The following SAMD3 variants were observed in gnomAD, a reference collection of about 807,000 sequenced individuals.
SAMD3 encodes sterile alpha motif domain-containing protein 3.
Under a neutral mutation model 58.5 loss-of-function variants are expected in SAMD3, and 63 were observed. The ratio of observed to expected loss-of-function variants is 1.08; its 90% CI spans 0.88 to 1.33. The LOEUF is 1.33. SAMD3 is among the 40% of genes most tolerant of loss of function. The pLI is 0.00. For missense variants in SAMD3, 604 were observed against 608.4 expected (o/e 0.99, Z 0.08); for synonymous variants, 220 against 210.3 (o/e 1.05, Z -0.40).
intron 4 of SAMD3, among the ~76,000 whole-genome samples, chr6:130,211,275 A>ATTTTTTTTTTTTTTTT (rs1562452834): frequency 7.4e-6 from 1 of 134,314 alleles, no homozygotes; most frequent in Non-Finnish European, 1.6e-5. Context: ...TGCCAATCAG[A>ATTTTTTTTTTTTTTTT]ATTTTTTTTT....
intron 1 of SAMD3, among the ~76,000 whole-genome samples, chr6:130,353,150 C>T (rs1326184064): frequency 1.3e-5 from 2 of 152,190 alleles, no homozygotes; most frequent in African/African-American, 4.8e-5. Flanking sequence ...GCTTAACTGT[C>T]TGAGACAGAA....
chr6:130,162,056 T>C, intron 8 of SAMD3: 1 of 495,116 alleles, frequency 2.0e-6, no homozygotes, highest in East Asian at 3.2e-5. Context: ...CTTTGAGATG[T>C]GTGACTTTAG....
At chr6:130,213,590 C>T (rs532081122) in intron 4 of SAMD3, among the ~76,000 whole-genome samples, 1 of 152,138 alleles carries the variant, frequency 6.6e-6, no homozygotes, top group South Asian at 2.1e-4. Context: ...TCAAAAAAAT[C>T]TTGAAAATGG....
intron 8 of SAMD3, among the ~76,000 whole-genome samples, chr6:130,174,742 C>T (rs998273827): frequency 2.6e-5 from 4 of 152,082 alleles, no homozygotes; most frequent in South Asian, 2.1e-4. Context: ...TTTAGGGCAC[C>T]TTTCAGCTGT....
At chr6:130,173,915 A>G (rs961480209) in intron 8 of SAMD3, among the ~76,000 whole-genome samples, 27 of 152,218 alleles carry the variant, frequency 1.8e-4, no homozygotes, top group African/African-American at 6.0e-4. Context: ...AATCTAGAGA[A>G]GCAGTCTGGC....
At chr6:130,264,444 T>C (rs539145601) in intron 2 of SAMD3, among the ~76,000 whole-genome samples, 8 of 152,220 alleles carry the variant, frequency 5.3e-5, no homozygotes, top group Non-Finnish European at 8.8e-5. Flanking sequence ...GGATGTGTGG[T>C]GGTATTGTGG....
rs191442148 is a variant in SAMD3, at chr6:130,228,644, A to G, written c.-187-5831T>C. Among the ~76,000 whole-genome samples the G allele has an allele frequency of 8.4e-4, 128 of 152,338 alleles. 2 individuals are homozygous for G. Among genetic ancestry groups the G allele is most frequent in the Non-Finnish European group, 3.4e-4 (23 of 68,034 alleles). Reference sequence around the variant, plus strand: ...GCCGCGGGTGTTAAGCAAGGCAGAAAGGAAAGCAGACATCCAGAAACAAGG... The same window carrying G: ...GCCGCGGGTGTTAAGCAAGGCAGAAGGGAAAGCAGACATCCAGAAACAAGG... On this transcript the variant is annotated intron_variant, in intron 2 of 13. Coordinates refer to the SAMD3 transcript ENST00000368134.
intron 2 of SAMD3, among the ~76,000 whole-genome samples, chr6:130,285,784 T>C (rs1775135378): frequency 6.6e-6 from 1 of 152,236 alleles, no homozygotes; most frequent in South Asian, 2.1e-4. Flanking sequence ...GTGTGTTGAA[T>C]AAATGGCACT....
chr6:130,317,965 G>C (rs6928320), intron 1 of SAMD3, among the ~76,000 whole-genome samples: 58,464 of 152,076 alleles, frequency 0.38, 11,848 homozygotes, highest in African/African-American at 0.5. Flanking sequence ...CCACAGAGTA[G>C]AATGCCAGAA....
chr6:130,314,966 G>T (rs747401114), intron 1 of SAMD3, among the ~76,000 whole-genome samples: 1 of 152,110 alleles, frequency 6.6e-6, no homozygotes, highest in Non-Finnish European at 1.5e-5. Flanking sequence ...CACTAAATAT[G>T]AATTAATATT....
At chr6:130,205,172 A>AG (rs1554261958) in intron 5 of SAMD3, among the ~76,000 whole-genome samples, 1 of 150,812 alleles carries the variant, frequency 6.6e-6, no homozygotes, top group Non-Finnish European at 1.5e-5. Context: ...AAAAAAAAAA[A>AG]TTAGTATATG....
intron 1 of SAMD3, among the ~76,000 whole-genome samples, chr6:130,324,334 G>A (rs1010924974): frequency 2.0e-5 from 3 of 152,102 alleles, no homozygotes; most frequent in Non-Finnish European, 4.4e-5. Context: ...ATTGCTGCTC[G>A]AATTTGGCAA....
chr6:130,331,370 T>A (rs985781429), intron 1 of SAMD3, among the ~76,000 whole-genome samples: 1 of 152,166 alleles, frequency 6.6e-6, no homozygotes, highest in Admixed American at 6.5e-5. Context: ...GAGAACTTAC[T>A]TTAAAAAAAA....
At chr6:130,241,408 G>T (rs1773354867) in intron 2 of SAMD3, among the ~76,000 whole-genome samples, 1 of 151,890 alleles carries the variant, frequency 6.6e-6, no homozygotes, top group East Asian at 1.9e-4. Flanking sequence ...TAGAGACAGG[G>T]TTTCACTATG....
At chr6:130,353,185 G>A (rs1465638181) in intron 1 of SAMD3, among the ~76,000 whole-genome samples, 1 of 152,220 alleles carries the variant, frequency 6.6e-6, no homozygotes, top group Non-Finnish European at 1.5e-5. Context: ...GAGAGAGGCA[G>A]TAGAATGATT....
At chr6:130,177,338 G>A (rs1791822359) in intron 7 of SAMD3, among the ~76,000 whole-genome samples, 1 of 152,166 alleles carries the variant, frequency 6.6e-6, no homozygotes, top group Admixed American at 6.5e-5. Context: ...TTGGGAGAGT[G>A]AATGGTCCAG....
chr6:130,280,478 C>T (rs1774942161), intron 2 of SAMD3, among the ~76,000 whole-genome samples: 1 of 152,108 alleles, frequency 6.6e-6, no homozygotes, highest in Admixed American at 6.6e-5. Context: ...ACTCACATTC[C>T]CTCCCAAAGC....
intron 1 of SAMD3, among the ~76,000 whole-genome samples, chr6:130,321,682 C>T (rs1414968337): frequency 2.1e-5 from 3 of 144,688 alleles, no homozygotes; most frequent in Non-Finnish European, 3.0e-5. Context: ...TATGTGCTAA[C>T]TTGCTGTCTG....
At chr6:130,308,393 CTATTCTATTCTATT>C (rs1776005800) in intron 2 of SAMD3, among the ~76,000 whole-genome samples, 1 of 146,100 alleles carries the variant, frequency 6.8e-6, no homozygotes, top group Non-Finnish European at 1.5e-5. Flanking sequence ...CTATTCTATT[CTATTCTATTCTATT>C]CTATTCTATT....
Sources: gnomAD v4.1 joint callset for allele counts (sites outside exome capture counted in the v4.1 genomes callset) on GRCh38, gnomAD v4.1.1 for gene constraint, MANE v1.5 for transcripts, NCBI Gene and HGNC (gene_info 2026-07-23, HGNC 2026-07-21) for gene names.